PHIP: variants seen among roughly 807,000 people sequenced by gnomAD.
PHIP encodes PH-interacting protein.
PHIP carries 54 observed loss-of-function variants against 236.8 expected under a neutral mutation model. That is an observed-to-expected ratio of 0.23 (90% CI 0.18 to 0.29). The LOEUF (loss-of-function observed/expected upper bound fraction) is 0.29. Among genes scored for constraint, PHIP ranks in the 10% least tolerant of loss-of-function variants. The probability of loss-of-function intolerance (pLI) is 1.00; values close to 1 mark genes in which losing one functional copy is unlikely to be tolerated. For missense variants in PHIP, 1,370 were observed against 2,190.8 expected (o/e 0.63, Z 7.48); for synonymous variants, 756 against 718.9 (o/e 1.05, Z -0.83).
intron 4 of PHIP, among the ~76,000 whole-genome samples, chr6:79,064,153 T>C (rs1773512138): frequency 6.6e-6 from 1 of 152,186 alleles, no homozygotes; most frequent in African/African-American, 2.4e-5. Flanking sequence ...CCAATCCCTC[T>C]ACTTATGCTT....
intron 15 of PHIP, among the ~76,000 whole-genome samples, chr6:79,006,371 A>T (rs1265703332): frequency 6.6e-6 from 1 of 151,968 alleles, no homozygotes; most frequent in Non-Finnish European, 1.5e-5. Flanking sequence ...TTAACTAAAA[A>T]TAGCCTAACT....
intron 24 of PHIP, among the ~76,000 whole-genome samples, chr6:78,974,094 C>A (rs1196456186): frequency 1.3e-5 from 2 of 152,126 alleles, no homozygotes; most frequent in Non-Finnish European, 2.9e-5. Flanking sequence ...CACCACACCA[C>A]ACCTATTCCA....
At position 79,034,006 on chromosome 6, in the gene PHIP, A is replaced by T. The variant is rs148873738; in HGVS notation, c.601-7842T>A. Among the ~76,000 whole-genome samples the T allele has an allele frequency of 6.4e-4, 97 of 152,300 alleles. 1 individual carries two copies. In the South Asian group the frequency reaches 8.1e-3, roughly 13 times the overall value. ...ACATGCAACATTCATTAAGTTCGCCATAAGGGTGCAGGTCATGGCACCCTA... is the reference window on the plus strand; with the variant it reads ...ACATGCAACATTCATTAAGTTCGCCTTAAGGGTGCAGGTCATGGCACCCTA... On this transcript the variant is annotated intron_variant, in intron 7 of 39. Transcript: ENST00000275034.
intron 27 of PHIP, among the ~76,000 whole-genome samples, chr6:78,968,697 A>G (rs1418392711): frequency 6.6e-6 from 1 of 151,748 alleles, no homozygotes; most frequent in Non-Finnish European, 1.5e-5. Flanking sequence ...AAAACAGCAT[A>G]TAATTCCTTC....
chr6:78,977,701 C>T (rs1384648444), intron 24 of PHIP, among the ~76,000 whole-genome samples: 1 of 152,090 alleles, frequency 6.6e-6, no homozygotes, highest in Non-Finnish European at 1.5e-5. Context: ...AATATAATTT[C>T]ACATCTTAAT....
chr6:79,068,618 G>C (rs1475888637), intron 4 of PHIP, among the ~76,000 whole-genome samples: 3 of 152,116 alleles, frequency 2.0e-5, no homozygotes, highest in Admixed American at 2.0e-4. Flanking sequence ...CACCACCTTG[G>C]AAAGTAGTCA....
chr6:78,953,527 GC>G (rs911799276), intron 35 of PHIP, among the ~76,000 whole-genome samples: 3 of 152,148 alleles, frequency 2.0e-5, no homozygotes, highest in Admixed American at 6.5e-5. Context: ...AGAAATGAAA[GC>G]CAGAACATTA....
At chr6:79,032,698 C>A (rs1207002363) in intron 7 of PHIP, among the ~76,000 whole-genome samples, 2 of 151,776 alleles carry the variant, frequency 1.3e-5, no homozygotes, top group African/African-American at 4.8e-5. Context: ...ACAGGGGATG[C>A]AATCAACTTC....
chr6:79,073,846 G>A (rs1215245080), intron 4 of PHIP, among the ~76,000 whole-genome samples: 1 of 152,070 alleles, frequency 6.6e-6, no homozygotes, highest in African/African-American at 2.4e-5. Context: ...ACTATGAAAA[G>A]CATTTATATA....
At chr6:78,957,086 T>A (rs1766469068) in intron 32 of PHIP, 1 of 152,090 alleles carries the variant, frequency 6.6e-6, no homozygotes. Context: ...ATGGATTTAT[T>A]TTTAGAAATA....
intron 24 of PHIP, among the ~76,000 whole-genome samples, chr6:78,973,423 A>T (rs1007414612): frequency 6.8e-6 from 1 of 147,546 alleles, no homozygotes; most frequent in African/African-American, 2.5e-5. Context: ...CTGCAAAATC[A>T]TGCCAAAATG....
At position 78,935,432 on chromosome 6, in the gene PHIP, C is replaced by A. The variant is rs1265729313; in HGVS notation, c.*5261G>T. 3 of 877,368 alleles carry A rather than the reference C, an allele frequency of 3.4e-6. No homozygotes were observed. Among genetic ancestry groups the A allele is most frequent in the African/African-American group, 1.8e-5 (1 of 54,920 alleles). The allele number at this position is 877,368 out of a possible 1,614,324, so 54.3% of individuals were successfully genotyped here. A position where few individuals can be genotyped will look rare whatever the true frequency, so the allele number is the denominator to read the frequency against. On this transcript the variant is annotated 3_prime_UTR_variant, in exon 40 of 40. Transcript: ENST00000275034. ...AAAATTTCTAGGAAAACTGCAATAA[C>A]CTTCTTTCCATCATTCCTTTTTTCC... is the stretch of plus-strand genomic sequence containing the variant.
intron 4 of PHIP, among the ~76,000 whole-genome samples, chr6:79,065,765 CA>C (rs1247266656): frequency 2.6e-4 from 5 of 18,948 alleles, no homozygotes; most frequent in East Asian, 8.4e-4. Context: ...TTAACTATAC[CA>C]CACACACACA....
chr6:78,972,221 CT>C (rs1562138379), intron 24 of PHIP, among the ~76,000 whole-genome samples: 1 of 152,166 alleles, frequency 6.6e-6, no homozygotes, highest in East Asian at 1.9e-4. Context: ...TCCCTGACCC[CT>C]GACCCCTGAG....
intron 23 of PHIP, among the ~76,000 whole-genome samples, chr6:78,980,527 C>T (rs968805886): frequency 5.9e-5 from 9 of 151,866 alleles, no homozygotes; most frequent in Non-Finnish European, 1.2e-4. Context: ...CTAAGAGAGT[C>T]GTCATATTAC....
At position 78,962,642 on chromosome 6, in the gene PHIP, T is replaced by G. The variant is rs372443011; in HGVS notation, c.3535+455A>C. Among the ~76,000 whole-genome samples the G allele has an allele frequency of 2.0e-5, 3 of 152,256 alleles. No individual in the cohort carries two copies. In the East Asian group the frequency reaches 5.8e-4, roughly 29 times the overall value. ...ATAATCAAGTTTTGTGGTCACTGTT[T>G]TCTTTTAACAAGGCAGAGCAATTAA... On this transcript the variant is annotated intron_variant, in intron 30 of 39. Coordinates refer to ENST00000275034, the MANE Select transcript of PHIP (RefSeq NM_017934.7).
chr6:79,039,841 AAG>A (rs371876884), intron 7 of PHIP, among the ~76,000 whole-genome samples: 231 of 152,246 alleles, frequency 1.5e-3, no homozygotes, highest in Middle Eastern at 3.4e-3. Context: ...AAAAGGCTAA[AAG>A]AGAATTAGTG....
At chr6:78,978,814 A>C in intron 23 of PHIP, 103 bp from the exon 24 acceptor site, 2 of 934,632 alleles carry the variant, frequency 2.1e-6, no homozygotes, top group East Asian at 5.4e-5. Context: ...TAAAAGGGGA[A>C]GGGCACCATT....
In PHIP at chr6:78,941,139, A is replaced by C. The variant is rs368703514; in HGVS notation, c.5020T>G (p.Leu1674Val). 2.3e-5 allele frequency: 37 copies of C among 1,613,870 alleles called. No individual in the cohort carries two copies. Among genetic ancestry groups the C allele is most frequent in the Non-Finnish European group, 2.9e-5 (34 of 1,179,950 alleles). Residue 1674 changes from leucine (L) to valine (V), a missense_variant, in exon 40 of 40, where the codon TTA becomes GTA. Physicochemically the swap from Leu to Val is conservative, Grantham distance 32 (BLOSUM62 1). Around this residue, in one of 14 missense-constraint regions of PHIP, gnomAD observed 309 missense variants for 328.3 expected, o/e 0.94. Coordinates refer to ENST00000275034, the MANE Select transcript of PHIP (RefSeq NM_017934.7). Reference sequence around the variant, plus strand: ...ATGGGATGCACATTATTTTGCTCTAAATCTTCTGGCTTTGCATACTGTAGC... The same window carrying C: ...ATGGGATGCACATTATTTTGCTCTACATCTTCTGGCTTTGCATACTGTAGC... ...KKLQYAKPED[L>V]EQNNVHPIRD...
Sources: allele counts gnomAD v4.1 joint callset (sites outside exome capture counted in the v4.1 genomes callset), GRCh38; gene constraint gnomAD v4.1.1; regional missense constraint gnomAD v4.1.1; transcripts MANE v1.5; gene names NCBI Gene and HGNC (gene_info 2026-07-23, HGNC 2026-07-21).